Variants in MYO9A observed in about 807,000 individuals in gnomAD.
The protein encoded by MYO9A is myosin IXA, also known as unconventional myosin-IXa.
Under a neutral mutation model 293.3 loss-of-function variants are expected in MYO9A, and 103 were observed. The ratio of observed to expected loss-of-function variants is 0.35; its 90% CI spans 0.30 to 0.41. MYO9A has a LOEUF of 0.41. Ranked by LOEUF, MYO9A falls within the 10% of genes least tolerant of loss-of-function variation. The pLI is 1.00. For synonymous variants in MYO9A, 1,001 were observed against 1,035.7 expected (o/e 0.97, Z 0.64); for missense variants, 2,685 against 3,033.0 (o/e 0.89, Z 2.69).
At chr15:72,077,750 A>T (rs12916253) in intron 1 of MYO9A, among the ~76,000 whole-genome samples, 1,242 of 45,536 alleles carry the variant, frequency 0.027, 14 homozygotes, top group East Asian at 0.17. Flanking sequence ...AAAAAAAAAA[A>T]AAATATATAT....
intron 29 of MYO9A, 72 bp downstream of exon 29, chr15:71,880,262 AG>A: frequency 8.1e-7 from 1 of 1,236,188 alleles, no homozygotes; most frequent in South Asian, 1.3e-5. Flanking sequence ...ATATCTAGAG[AG>A]TATATCCTGA....
At chr15:72,024,799 C>T (rs2149286042) in intron 4 of MYO9A, among the ~76,000 whole-genome samples, 1 of 151,904 alleles carries the variant, frequency 6.6e-6, no homozygotes, top group Non-Finnish European at 1.5e-5. Flanking sequence ...AACTACAATG[C>T]CCAAGGTAAC....
intron 1 of MYO9A, among the ~76,000 whole-genome samples, chr15:72,100,275 G>C (rs1356899543): frequency 6.6e-6 from 1 of 152,196 alleles, no homozygotes; most frequent in Non-Finnish European, 1.5e-5. Flanking sequence ...CCAGCACTTT[G>C]AGAGGCCGAG....
At chr15:71,949,894 C>T (rs138908526) in intron 15 of MYO9A, among the ~76,000 whole-genome samples, 1 of 151,794 alleles carries the variant, frequency 6.6e-6, no homozygotes, top group African/African-American at 2.4e-5. Context: ...GTTAGGAAAC[C>T]CCTTGTATAA....
At chr15:72,065,768 A>C (rs1277843754) in intron 1 of MYO9A, among the ~76,000 whole-genome samples, 2 of 152,322 alleles carry the variant, frequency 1.3e-5, no homozygotes, top group African/African-American at 2.4e-5. Flanking sequence ...AAAACTGCCC[A>C]ATCTTTTTAA....
At chr15:71,893,154 C>G (rs2057228217) in intron 26 of MYO9A, 1 of 1,282,760 alleles carries the variant, frequency 7.8e-7, no homozygotes, top group African/African-American at 1.5e-5. Context: ...TTCGAGCTTT[C>G]TTTTTATGGG....
At chr15:72,113,020 C>G (rs1379423182) in intron 1 of MYO9A, among the ~76,000 whole-genome samples, 2 of 152,092 alleles carry the variant, frequency 1.3e-5, no homozygotes, top group Non-Finnish European at 2.9e-5. Context: ...GGCTCTAGTC[C>G]AGGAGTTTAA....
intron 6 of MYO9A, among the ~76,000 whole-genome samples, chr15:72,013,369 T>C (rs2077229847): frequency 6.6e-6 from 1 of 152,152 alleles, no homozygotes; most frequent in African/African-American, 2.4e-5. Context: ...GCCCTACAAA[T>C]GCCAAGGCCT....
At chr15:71,968,624 T>G (rs764576864) in intron 12 of MYO9A, among the ~76,000 whole-genome samples, 7 of 152,196 alleles carry the variant, frequency 4.6e-5, no homozygotes, top group Non-Finnish European at 8.8e-5. Context: ...TTGATTGTAC[T>G]GATCAACTGA....
intron 33 of MYO9A, 113 bp from the exon 34 acceptor site, chr15:71,859,909 C>A: frequency 1.3e-6 from 1 of 787,140 alleles, no homozygotes; most frequent in Non-Finnish European, 2.1e-6. Context: ...TCTCAGACTG[C>A]TGTAATATGA....
rs577886497 is a variant in MYO9A, at chr15:72,100,309, A to G, written c.-72+17371T>C. Among the ~76,000 whole-genome samples, 10 of 152,324 alleles carry G rather than the reference A, an allele frequency of 6.6e-5. No individual in the cohort carries two copies. The South Asian group carries it at 1.9e-3, about 28-fold the overall frequency. ...AGGCGTGCAGATCACTCTGAGCTAT[A>G]ACAGATGTGAAGACTCAGTGCTCGG... On this transcript the variant is annotated intron_variant, in intron 1 of 41. Transcript: ENST00000356056.
At chr15:72,061,592 G>A (rs910856111) in intron 1 of MYO9A, among the ~76,000 whole-genome samples, 7 of 151,830 alleles carry the variant, frequency 4.6e-5, no homozygotes, top group Admixed American at 4.6e-4. Flanking sequence ...CACAGGGAGA[G>A]ACTCCTTCTG....
At chr15:72,049,001 G>GT (rs1486496808) in intron 1 of MYO9A, among the ~76,000 whole-genome samples, 1 of 152,092 alleles carries the variant, frequency 6.6e-6, no homozygotes, top group Non-Finnish European at 1.5e-5. Flanking sequence ...CCCTCAGTAT[G>GT]TAATTTAATA....
intron 9 of MYO9A, among the ~76,000 whole-genome samples, chr15:71,998,158 C>T (rs987888032): frequency 6.6e-6 from 1 of 152,148 alleles, no homozygotes; most frequent in African/African-American, 2.4e-5. Flanking sequence ...AAGAAAACCA[C>T]GTCCTTTGCA....
chr15:72,058,241 G>A (rs1452906489), intron 1 of MYO9A, among the ~76,000 whole-genome samples: 2 of 152,126 alleles, frequency 1.3e-5, no homozygotes, highest in Non-Finnish European at 2.9e-5. Flanking sequence ...AATTTATAAC[G>A]TAAAATTTTT....
At chr15:71,889,471 T>TTTA (rs2057116157) in intron 26 of MYO9A, 1 of 121,740 alleles carries the variant, frequency 8.2e-6, no homozygotes, top group Non-Finnish European at 1.7e-5. Flanking sequence ...TTTTTTTTTT[T>TTTA]AAGAGACATG....
At chr15:72,051,160 A>C (rs1016167420) in intron 1 of MYO9A, among the ~76,000 whole-genome samples, 1 of 152,036 alleles carries the variant, frequency 6.6e-6, no homozygotes, top group Non-Finnish European at 1.5e-5. Flanking sequence ...AACCTTCTGG[A>C]CTCAAGTGAT....
chr15:71,999,272 T>C (rs1310997252), intron 9 of MYO9A, among the ~76,000 whole-genome samples: 1 of 152,060 alleles, frequency 6.6e-6, no homozygotes, highest in Non-Finnish European at 1.5e-5. Flanking sequence ...CCTGCCCCTA[T>C]AGATCTGAGT....
intron 11 of MYO9A, 132 bp downstream of exon 11, chr15:71,990,971 G>C: frequency 1.1e-6 from 1 of 894,970 alleles, no homozygotes; most frequent in Non-Finnish European, 1.6e-6. Context: ...GTTTGTAAAG[G>C]CACGTTTCAA....
Sources: allele counts gnomAD v4.1 joint callset (sites outside exome capture counted in the v4.1 genomes callset), GRCh38; gene constraint gnomAD v4.1.1; transcripts MANE v1.5; gene names NCBI Gene and HGNC (gene_info 2026-07-23, HGNC 2026-07-21).